Variants in HIP1R observed in about 807,000 individuals in gnomAD.
The protein encoded by HIP1R is huntingtin interacting protein 1 related, also known as huntingtin-interacting protein 1-related protein.
Under a neutral mutation model 144.2 loss-of-function variants are expected in HIP1R, and 135 were observed. That is an observed-to-expected ratio of 0.94 (90% CI 0.81 to 1.08). The LOEUF is 1.08. HIP1R is among the 50% of genes least tolerant of loss of function. The pLI is 0.00. For missense variants in HIP1R, 1,462 were observed against 1,432.8 expected (o/e 1.02, Z -0.33); for synonymous variants, 698 against 612.8 (o/e 1.14, Z -2.05).
chr12:122,835,538 C>A lies in HIP1R; in HGVS notation c.-13C>A. On this transcript the variant is annotated 5_prime_UTR_variant, in exon 1 of 32. Transcript: ENST00000253083. ...GCGGACGGAGCCGGACAAAAGCGGG[C>A]GGCGGCGGCAGGATGAACAGCATCA... 7.5e-7 allele frequency: 1 copy of A among 1,331,354 alleles called. No individual in the cohort carries two copies. The highest frequency in any genetic ancestry group is 1.7e-5 in the South Asian group (1 of 57,156). The allele number at this position is 1,331,354 out of a possible 1,614,324, so 82.5% of individuals were successfully genotyped here.
chr12:122,851,055 AC>A, intron 6 of HIP1R, 144 bp downstream of exon 6: 1 of 878,316 alleles, frequency 1.1e-6, no homozygotes, highest in Non-Finnish European at 1.8e-6. Flanking sequence ...GCTCCCAGGG[AC>A]AGAGGGTGAA....
rs982029073 is a variant in HIP1R at position 122,861,895 on chromosome 12, G to A, written c.*142G>A. The A allele has an allele frequency of 9.7e-6, 7 of 721,592 alleles. No homozygotes were observed. The African/African-American group carries it at 1.1e-4, about 11-fold the overall frequency. The allele number at this position is 721,592 out of a possible 1,614,324, so 44.7% of individuals were successfully genotyped here. ...TGGATCAATGTCCTCAAGGCCCCTG[G>A]CCCTTACTGAGCCTGCAGGGTCCTG... On this transcript the variant is annotated 3_prime_UTR_variant, in exon 32 of 32. Coordinates refer to ENST00000253083, the MANE Select transcript of HIP1R (RefSeq NM_003959.3).
At position 122,856,064 on chromosome 12, in the gene HIP1R, G is replaced by T. The variant is rs536360023; in HGVS notation, c.1213G>T (p.Ala405Ser). The change falls in exon 14 of 32, where the codon GCC becomes TCC. Residue 405 changes from alanine to serine, a missense_variant. Physicochemically the swap from Ala to Ser is moderately conservative, Grantham distance 99. Around this residue, in one of 2 missense-constraint regions of HIP1R, gnomAD observed 1,112 missense variants for 1,011.7 expected, o/e 1.10. Coordinates refer to ENST00000253083, the MANE Select transcript of HIP1R (RefSeq NM_003959.3). ...GGAGCAGCGGAAGCAGAAGCAGAAG[G>T]CCCTGGTGGATAATGAGCAGCTCCG... ...LEEQRKQKQKALVDNEQLRHE... is the reference protein window; with the variant it reads ...LEEQRKQKQKSLVDNEQLRHE... The T allele has an allele frequency of 1.3e-6, 2 of 1,591,616 alleles. No individual in the cohort carries two copies. The highest frequency in any genetic ancestry group is 1.8e-5 in the Admixed American group (1 of 55,930).
chr12:122,856,487 C>T lies in HIP1R; in HGVS notation c.1457C>T (p.Ala486Val), dbSNP rs372462877. The change falls in exon 16 of 32, where the codon GCG becomes GTG. Residue 486 changes from alanine to valine, a missense_variant. By Grantham distance (64) the Ala-to-Val change is moderately conservative. Transcript: ENST00000253083. ...TVTQQSQEEV[A>V]RVKEQLAFQV... is the part of the protein sequence containing the mutation. ...ACGCAGCAAAGCCAGGAGGAGGTGGCGCGGGTGAAGGAGCAGCTGGCCTTC... is the reference window on the plus strand; with the variant it reads ...ACGCAGCAAAGCCAGGAGGAGGTGGTGCGGGTGAAGGAGCAGCTGGCCTTC... 3.6e-5 allele frequency: 57 copies of T among 1,590,318 alleles called. No homozygotes were observed. Among genetic ancestry groups the T allele is most frequent in the Non-Finnish European group, 4.4e-5 (51 of 1,167,914 alleles).
In HIP1R at chr12:122,859,493, C is replaced by T. The variant is rs76462677; in HGVS notation, c.2363C>T (p.Ala788Val). The T allele has an allele frequency of 8.2e-4, 1,321 of 1,613,280 alleles. 27 individuals are homozygous for T. In the East Asian group the frequency reaches 0.027, roughly 33 times the overall value. The change falls in exon 23 of 32, where the codon GCG becomes GTG. Residue 788 changes from alanine (A) to valine (V), a missense_variant. Ala to Val is a moderately conservative substitution (Grantham distance 64, BLOSUM62 0). Around this residue, in one of 2 missense-constraint regions of HIP1R, gnomAD observed 1,112 missense variants for 1,011.7 expected, o/e 1.10. Coordinates refer to ENST00000253083, the MANE Select transcript of HIP1R (RefSeq NM_003959.3). ...GGGGCCGTGGTCGACAAGGAGATGG[C>T]GGCCACATCCGCAGCCATTGAAGAT... ...ELGAVVDKEM[A>V]ATSAAIEDAV...
intron 1 of HIP1R, 85 bp downstream of exon 1, chr12:122,835,728 G>A: frequency 1.1e-6 from 1 of 928,472 alleles, no homozygotes; most frequent in Non-Finnish European, 1.3e-6. Context: ...GCGAACGGCT[G>A]GGGCCCGGGA....
At chr12:122,842,563 G>A (rs2033085863) in intron 1 of HIP1R, among the ~76,000 whole-genome samples, 1 of 152,202 alleles carries the variant, frequency 6.6e-6, no homozygotes, top group African/African-American at 2.4e-5. Flanking sequence ...GGTTGGAGGT[G>A]GGGACAGAGT....
chr12:122,858,352 A>G lies in HIP1R; in HGVS notation c.1967A>G (p.Tyr656Cys). ...LHLRCTSSPD[Y>C]LVSRAQEALD... ...TCAGTTCTCCTCGTGCTTGCAGACT[A>G]CCTGGTGAGCAGGGCCCAGGAGGCC... Residue 656 changes from tyrosine (Y) to cysteine (C), a missense_variant, in exon 20 of 32, where the codon TAC (tyrosine) becomes TGC (cysteine). Around this residue, in one of 2 missense-constraint regions of HIP1R, gnomAD observed 1,112 missense variants for 1,011.7 expected, o/e 1.10. Coordinates refer to ENST00000253083, the MANE Select transcript of HIP1R (RefSeq NM_003959.3). 6.2e-7 allele frequency: 1 copy of G among 1,608,578 alleles called. No individual in the cohort carries two copies. The highest frequency in any genetic ancestry group is 8.5e-7 in the Non-Finnish European group (1 of 1,176,930).
chr12:122,847,710 G>C (rs1409331280), intron 1 of HIP1R, among the ~76,000 whole-genome samples: 1 of 152,230 alleles, frequency 6.6e-6, no homozygotes, highest in African/African-American at 2.4e-5. Flanking sequence ...GCCATGACCT[G>C]GGGCTCAGGG....
chr12:122,835,020 A>C (rs1379929122), upstream of HIP1R: 17 of 1,266,454 alleles, frequency 1.3e-5, no homozygotes, highest in Admixed American at 9.3e-5. Context: ...AGTTCGGAGG[A>C]GGGGTGGGGA....
chr12:122,856,574 T>C (rs2033587903), intron 16 of HIP1R, 26 bp downstream of exon 16: 1 of 1,595,888 alleles, frequency 6.3e-7, no homozygotes, highest in African/African-American at 1.3e-5. Context: ...CACAGGGCCC[T>C]GCCCCGGCAT....
rs752398981 is a variant in HIP1R, at chr12:122,858,174, G to A, written c.1888G>A (p.Glu630Lys). 18 of 1,607,234 alleles carry A rather than the reference G, an allele frequency of 1.1e-5. No homozygotes were observed. Among genetic ancestry groups the A allele is most frequent in the East Asian group, 4.5e-5 (2 of 44,784 alleles). The stretch of plus-strand genomic sequence containing the variant: ...CGCAGTGTTGCGGGGCGCTGCTGCC[G>A]AGGCCGCGGGCATCCTGCAGGATGC... ...QFAVLRGAAA[E>K]AAGILQDAVS... Residue 630 changes from glutamate to lysine, a missense_variant, in exon 19 of 32, where the codon GAG (glutamate) becomes AAG (lysine). By Grantham distance (56) the Glu-to-Lys change is moderately conservative. Transcript: ENST00000253083.
In HIP1R at chr12:122,860,789, G is replaced by A. The variant is rs1004904155; in HGVS notation, c.2766+5G>A. The A allele has an allele frequency of 6.2e-7, 1 of 1,611,730 alleles. No homozygotes were observed. The highest frequency in any genetic ancestry group is 8.5e-7 in the Non-Finnish European group (1 of 1,179,218). ...CAGCTGGTGGCGGCCTCCAAGGTGA[G>A]CTTGCACGCCGACAGCAGCACACTG... On this transcript the variant is annotated splice_donor_5th_base_variant and intron_variant, in intron 28 of 31. Transcript: ENST00000253083.
Position 122,861,820 on chromosome 12 carries a change from C to A in HIP1R, c.*67C>A. ...GCCTCTGCAACTGCCCTGACAGGAC[C>A]GAGAGGCCTTGCCCCTCCACCTGGT... On this transcript the variant is annotated 3_prime_UTR_variant, in exon 32 of 32. Transcript: ENST00000253083. The A allele has an allele frequency of 6.7e-7, 1 of 1,485,596 alleles. No homozygotes were observed. Among genetic ancestry groups the A allele is most frequent in the Non-Finnish European group, 9.3e-7 (1 of 1,070,424 alleles). The allele number at this position is 1,485,596 out of a possible 1,614,324, so 92.0% of individuals were successfully genotyped here.
Position 122,836,658 on chromosome 12 carries a change from ACC to A in HIP1R, c.93+1018_93+1019del, listed in dbSNP as rs912345769. ...CTCTAGAGATAAAGGAAGCCAGAGG[ACC>A]CCTCCCACTCCTGTCTAAAGCAGGT... On this transcript the variant is annotated intron_variant, in intron 1 of 31. Transcript: ENST00000253083. The surrounding 1 kb of genome is among the most constrained non-coding windows in gnomAD (Gnocchi z 4.1). 6.6e-6 allele frequency among the ~76,000 whole-genome samples: 1 copy of A among 151,904 alleles called. No individual in the cohort carries two copies. Among genetic ancestry groups the A allele is most frequent in the Non-Finnish European group, 1.5e-5 (1 of 67,996 alleles).
Position 122,860,279 on chromosome 12 carries a change from A to T in HIP1R, c.2559+69A>T, listed in dbSNP as rs2033729765. On this transcript the variant is annotated intron_variant, in intron 26 of 31. Coordinates refer to ENST00000253083, the MANE Select transcript of HIP1R (RefSeq NM_003959.3). ...ACCCCCAGCCTAGGCCACCCTGGGCATGAGACCCTCCACCCCCTACCACAG... is the reference window on the plus strand; with the variant it reads ...ACCCCCAGCCTAGGCCACCCTGGGCTTGAGACCCTCCACCCCCTACCACAG... 5 of 1,528,792 alleles carry T rather than the reference A, an allele frequency of 3.3e-6. No individual in the cohort carries two copies. The East Asian group carries it at 1.2e-4, about 36-fold the overall frequency. 94.7% of individuals were successfully genotyped at this position (1,528,792 alleles called of 1,614,324 possible). A position where few individuals can be genotyped will look rare whatever the true frequency, so the allele number is the denominator to read the frequency against.
chr12:122,857,751 T>C lies in HIP1R; in HGVS notation c.1816-351T>C, dbSNP rs2033635388. On this transcript the variant is annotated intron_variant, in intron 18 of 31. Coordinates refer to ENST00000253083, the MANE Select transcript of HIP1R (RefSeq NM_003959.3). ...ACATCCTTGCCAATGCTTATTATTG[T>C]CTTCTTTTTATTTTAGCCATCCTAG... 4 of 275,898 alleles carry C rather than the reference T, an allele frequency of 1.4e-5. No individual in the cohort carries two copies. In the South Asian group the frequency reaches 3.5e-4, roughly 24 times the overall value. The allele number at this position is 275,898 out of a possible 1,614,324, so 17.1% of individuals were successfully genotyped here. A position where few individuals can be genotyped will look rare whatever the true frequency, so the allele number is the denominator to read the frequency against.
At chr12:122,843,383 A>G (rs2033113273) in intron 1 of HIP1R, among the ~76,000 whole-genome samples, 1 of 152,216 alleles carries the variant, frequency 6.6e-6, no homozygotes, top group Non-Finnish European at 1.5e-5. Context: ...GTGAACATTA[A>G]TGAGGCAACA....
At chr12:122,850,370 T>G (rs759552669) in intron 5 of HIP1R, 45 of 450,228 alleles carry the variant, frequency 1.0e-4, no homozygotes, top group South Asian at 6.5e-4. Context: ...CCTGGTTCAG[T>G]GGCCGCTGGG....
Sources: allele counts gnomAD v4.1 joint callset (sites outside exome capture counted in the v4.1 genomes callset), GRCh38; gene constraint gnomAD v4.1.1; regional missense constraint gnomAD v4.1.1; non-coding constraint Gnocchi (gnomAD v3.1); transcripts MANE v1.5; gene names NCBI Gene and HGNC (gene_info 2026-07-23, HGNC 2026-07-21).